The following DCAKD variants were observed in gnomAD, a reference collection of about 807,000 sequenced individuals.
The protein encoded by DCAKD is dephospho-CoA kinase domain-containing protein.
A neutral mutation model predicts 18.7 loss-of-function variants in DCAKD; 15 were observed. That is an observed-to-expected ratio of 0.80 (90% CI 0.54 to 1.24). DCAKD has a LOEUF of 1.24. Ranked by LOEUF, DCAKD falls within the 50% of genes most tolerant of loss-of-function variation. The pLI is 0.00. For missense variants in DCAKD, 301 were observed against 322.0 expected, an observed-to-expected ratio of 0.93 and a Z score of 0.50; for synonymous variants, 130 against 133.0, an observed-to-expected ratio of 0.98 and a Z score of 0.16.
At chr17:45,027,757 A>G (rs1465968773) in intron 4 of DCAKD, among the ~76,000 whole-genome samples, 1 of 152,054 alleles carries the variant, frequency 6.6e-6, no homozygotes, top group Non-Finnish European at 1.5e-5. Flanking sequence ...GGAGGCCGAG[A>G]CAGGTAGATC....
intron 1 of DCAKD, among the ~76,000 whole-genome samples, chr17:45,039,405 C>T (rs2053377358): frequency 6.6e-6 from 1 of 152,238 alleles, no homozygotes; most frequent in East Asian, 1.9e-4. Context: ...AGTGCTAAAC[C>T]TGGCTATAAT....
intron 1 of DCAKD, among the ~76,000 whole-genome samples, chr17:45,057,921 G>A (rs1419019626): frequency 6.9e-6 from 1 of 143,922 alleles, no homozygotes; most frequent in African/African-American, 2.6e-5. Context: ...TGAGGCAGGA[G>A]AATCGCTTAA....
At chr17:45,024,758 G>A in intron 4 of DCAKD, 34 bp from the exon 5 acceptor site, 1 of 1,525,162 alleles carries the variant, frequency 6.6e-7, no homozygotes. Flanking sequence ...TGTAGGTCCT[G>A]CCTCCCTCTC....
At chr17:45,030,481 G>A (rs1475045059) in intron 3 of DCAKD, among the ~76,000 whole-genome samples, 1 of 152,228 alleles carries the variant, frequency 6.6e-6, no homozygotes, top group East Asian at 1.9e-4. Flanking sequence ...TTCCACGAAT[G>A]AGAACCACCA....
chr17:45,053,628 C>T (rs1026855728), upstream of DCAKD, among the ~76,000 whole-genome samples: 4 of 152,216 alleles, frequency 2.6e-5, no homozygotes, highest in African/African-American at 9.6e-5. Context: ...ACCACGTTGG[C>T]CGGGCTGGTC....
At position 45,042,622 on chromosome 17, in the gene DCAKD, AATT is replaced by A. The variant is rs1223467872; in HGVS notation, c.-114-7626_-114-7624del. Among the ~76,000 whole-genome samples the A allele has an allele frequency of 2.0e-5, 3 of 152,228 alleles. No homozygotes were observed. In the East Asian group the frequency reaches 5.8e-4, roughly 29 times the overall value. On this transcript the variant is annotated intron_variant, in intron 1 of 4. Coordinates refer to ENST00000651974, the MANE Select transcript of DCAKD (RefSeq NM_001288655.2). ...CGAGTCATTTCCTGCCTTGGGACCC[AATT>A]ATTTCTCGAGGAACCAGTGGTTGCA...
At chr17:45,032,971 C>T (rs1490357591) in intron 3 of DCAKD, among the ~76,000 whole-genome samples, 1 of 152,198 alleles carries the variant, frequency 6.6e-6, no homozygotes, top group Non-Finnish European at 1.5e-5. Flanking sequence ...CCACCGCCCT[C>T]TGTTCTCCCT....
At chr17:45,056,155 C>CAA (rs60557987), upstream of DCAKD, among the ~76,000 whole-genome samples, 8 of 127,988 alleles carry the variant, frequency 6.3e-5, no homozygotes, top group Non-Finnish European at 8.4e-5. Context: ...AGCTCCGTCT[C>CAA]AAAAAAAAAA....
intron 3 of DCAKD, among the ~76,000 whole-genome samples, chr17:45,033,662 A>C (rs2053221955): frequency 6.6e-6 from 1 of 152,024 alleles, no homozygotes; most frequent in Admixed American, 6.6e-5. Flanking sequence ...ACGGGGTTTC[A>C]CCATGTTGGC....
chr17:45,042,634 A>G (rs1050155306), intron 1 of DCAKD, among the ~76,000 whole-genome samples: 2 of 152,266 alleles, frequency 1.3e-5, no homozygotes, highest in African/African-American at 4.8e-5. Flanking sequence ...TTATTTCTCG[A>G]GGAACCAGTG....
At chr17:45,050,510 G>T (rs1463661752) in intron 1 of DCAKD, among the ~76,000 whole-genome samples, 1 of 152,056 alleles carries the variant, frequency 6.6e-6, no homozygotes, top group Non-Finnish European at 1.5e-5. Context: ...AGACAGAGGA[G>T]GATTTGGTGG....
Position 45,051,492 on chromosome 17 carries a change from G to A in DCAKD, c.-246C>T, listed in dbSNP as rs1567851794. 1.3e-5 allele frequency: 2 copies of A among 151,872 alleles called. No homozygotes were observed. Among genetic ancestry groups the A allele is most frequent in the Admixed American group, 6.6e-5 (1 of 15,228 alleles). The allele number at this position is 151,872 out of a possible 1,614,324, so 9.4% of individuals were successfully genotyped here. A position where few individuals can be genotyped will look rare whatever the true frequency, so the allele number is the denominator to read the frequency against. Reference sequence around the variant, plus strand: ...CAGCCCCGCGTAGCAGCCGCGGCCAGGGCCCGCCCCCTCCCCGGCGCCCGG... The same window carrying A: ...CAGCCCCGCGTAGCAGCCGCGGCCAAGGCCCGCCCCCTCCCCGGCGCCCGG... On this transcript the variant is annotated 5_prime_UTR_variant, in exon 1 of 5. Transcript: ENST00000651974.
Position 45,024,697 on chromosome 17 carries a change from C to A in DCAKD, c.432G>T (p.Leu144=). The change falls in exon 5 of 5, where the codon CTG becomes CTT. Residue 144 remains leucine, a synonymous_variant. Coordinates refer to ENST00000651974, the MANE Select transcript of DCAKD (RefSeq NM_001288655.2). ...YCDRDTQLAR[L]MRRNSLNRKD... ...TGCGGTTCAGGCTGTTCCGCCGCATCAGCCGTGCCAGCTGTGTGTCCCGGT... is the reference window on the plus strand; with the variant it reads ...TGCGGTTCAGGCTGTTCCGCCGCATAAGCCGTGCCAGCTGTGTGTCCCGGT... 6.3e-7 allele frequency: 1 copy of A among 1,589,436 alleles called. No individual in the cohort carries two copies. The highest frequency in any genetic ancestry group is 8.6e-7 in the Non-Finnish European group (1 of 1,162,708).
upstream of DCAKD, among the ~76,000 whole-genome samples, chr17:45,053,523 G>A (rs2053749496): frequency 6.6e-6 from 1 of 152,114 alleles, no homozygotes; most frequent in Non-Finnish European, 1.5e-5. Flanking sequence ...CCGGGTTCAA[G>A]CGATTCTCCT....
chr17:45,042,949 T>C (rs944406375), intron 1 of DCAKD, among the ~76,000 whole-genome samples: 4 of 152,126 alleles, frequency 2.6e-5, no homozygotes, highest in African/African-American at 7.2e-5. Context: ...GCACAAACCA[T>C]CACTCCAGCT....
intron 1 of DCAKD, among the ~76,000 whole-genome samples, chr17:45,037,690 C>G (rs1471496614): frequency 6.6e-6 from 1 of 150,638 alleles, no homozygotes; most frequent in African/African-American, 2.4e-5. Flanking sequence ...GAACTCCTGA[C>G]CTCAGGTGAT....
chr17:45,024,842 T>C, intron 4 of DCAKD, 118 bp from the exon 5 acceptor site: 2 of 1,289,706 alleles, frequency 1.6e-6, no homozygotes, highest in South Asian at 3.1e-5. Context: ...GGATCTTCCC[T>C]CCAACCCTAC....
At chr17:45,053,026 G>A (rs1389267607), upstream of DCAKD, among the ~76,000 whole-genome samples, 2 of 151,072 alleles carry the variant, frequency 1.3e-5, no homozygotes, top group African/African-American at 4.9e-5. Flanking sequence ...AGCCGGGCGT[G>A]GTGGTGAATG....
chr17:45,060,843 G>C (rs968150824), intron 1 of DCAKD: 1 of 178,860 alleles, frequency 5.6e-6, no homozygotes, highest in African/African-American at 2.4e-5. Flanking sequence ...GGGCATTCCG[G>C]CTCCAGGCAG....
Sources: gnomAD v4.1 joint callset for allele counts (sites outside exome capture counted in the v4.1 genomes callset) on GRCh38, gnomAD v4.1.1 for gene constraint, MANE v1.5 for transcripts, NCBI Gene and HGNC (gene_info 2026-07-23, HGNC 2026-07-21) for gene names.